The following CDH13 variants were observed in gnomAD, a reference collection of about 807,000 sequenced individuals.
CDH13 encodes cadherin-13.
CDH13 carries 24 observed loss-of-function variants against 63.8 expected under a neutral mutation model. The observed-to-expected ratio is 0.38, with a 90% confidence interval of 0.27 to 0.53. CDH13 has a LOEUF of 0.53. CDH13 is among the 20% of genes least tolerant of loss of function. The pLI is 0.85. For missense variants in CDH13, 1,049 were observed against 903.1 expected, an observed-to-expected ratio of 1.16 and a Z score of -2.07; for synonymous variants, 503 against 355.3, an observed-to-expected ratio of 1.42 and a Z score of -4.67.
intron 7 of CDH13, among the ~76,000 whole-genome samples, chr16:83,599,170 C>T (rs1907548835): frequency 6.6e-6 from 1 of 152,234 alleles, no homozygotes; most frequent in Non-Finnish European, 1.5e-5. Context: ...CAGCATACTC[C>T]TGCTATAGTT....
intron 6 of CDH13, among the ~76,000 whole-genome samples, chr16:83,429,903 G>T (rs866598486): frequency 1.1e-4 from 17 of 152,282 alleles, no homozygotes; most frequent in South Asian, 1.0e-3. Context: ...AGCTAATTCA[G>T]CTTGCCTGGC....
At chr16:83,788,537 T>G (rs1040570783) in intron 13 of CDH13, among the ~76,000 whole-genome samples, 5 of 152,020 alleles carry the variant, frequency 3.3e-5, no homozygotes, top group Admixed American at 1.3e-4. Flanking sequence ...TTTCTTGTGG[T>G]CCTCACTTTG....
At chr16:83,142,306 G>T (rs1035270684) in intron 4 of CDH13, among the ~76,000 whole-genome samples, 1 of 151,974 alleles carries the variant, frequency 6.6e-6, no homozygotes, top group African/African-American at 2.4e-5. Context: ...AACTACAGGT[G>T]TGTGCCCCCA....
intron 4 of CDH13, among the ~76,000 whole-genome samples, chr16:83,213,578 C>G (rs1195440754): frequency 6.6e-6 from 1 of 152,308 alleles, no homozygotes; most frequent in Admixed American, 6.5e-5. Flanking sequence ...GAAGCCCATT[C>G]TTGGGAAGCA....
At chr16:83,214,504 T>C (rs1597529790) in intron 4 of CDH13, among the ~76,000 whole-genome samples, 1 of 127,656 alleles carries the variant, frequency 7.8e-6, no homozygotes, top group East Asian at 2.6e-4. Context: ...CACTTGAACC[T>C]GGGAGGCGGA....
chr16:82,779,653 T>C (rs1168062311), intron 1 of CDH13, among the ~76,000 whole-genome samples: 1 of 152,140 alleles, frequency 6.6e-6, no homozygotes, highest in Admixed American at 6.5e-5. Context: ...AACCGACAGC[T>C]CTCCTTGGAT....
At chr16:83,169,569 T>TC (rs1491473712) in intron 4 of CDH13, among the ~76,000 whole-genome samples, 1 of 151,936 alleles carries the variant, frequency 6.6e-6, no homozygotes, top group Non-Finnish European at 1.5e-5. Flanking sequence ...GGTTTTTTTT[T>TC]TGTTTCTCCA....
intron 1 of CDH13, among the ~76,000 whole-genome samples, chr16:82,720,050 C>T (rs1005159819): frequency 1.5e-4 from 23 of 151,958 alleles, no homozygotes; most frequent in African/African-American, 5.6e-4. Flanking sequence ...AATAAAGACC[C>T]AAAACACTTC....
rs1904276966 is a variant in CDH13 at position 83,795,569 on chromosome 16, C to G, written c.*539C>G. On this transcript the variant is annotated 3_prime_UTR_variant, in exon 14 of 14. Transcript: ENST00000567109. ...ATGAGGACAGACCACAGAGCTGTCA[C>G]TTTTGCTCCGAAGCTACTTCTCCAC... The G allele has an allele frequency of 6.5e-6, 1 of 152,840 alleles. No homozygotes were observed. Among genetic ancestry groups the G allele is most frequent in the South Asian group, 2.1e-4 (1 of 4,838 alleles). The allele number at this position is 152,840 out of a possible 1,614,324, so 9.5% of individuals were successfully genotyped here. A position where few individuals can be genotyped will look rare whatever the true frequency, so the allele number is the denominator to read the frequency against.
intron 4 of CDH13, among the ~76,000 whole-genome samples, chr16:83,209,395 C>T (rs551472105): frequency 6.6e-6 from 1 of 152,236 alleles, no homozygotes; most frequent in South Asian, 2.1e-4. Context: ...GTGCATCCTC[C>T]ACACAGAGTC....
At chr16:82,973,894 A>AT (rs1277520083) in intron 2 of CDH13, among the ~76,000 whole-genome samples, 1 of 151,752 alleles carries the variant, frequency 6.6e-6, no homozygotes, top group Admixed American at 6.6e-5. Context: ...CACACACCTT[A>AT]TTTTTTGCTT....
intron 6 of CDH13, among the ~76,000 whole-genome samples, chr16:83,423,055 T>A (rs2071764538): frequency 6.6e-6 from 1 of 152,234 alleles, no homozygotes; most frequent in Non-Finnish European, 1.5e-5. Context: ...CATGTCTTTC[T>A]TCCATTTATA....
At chr16:83,169,144 C>T (rs971448734) in intron 4 of CDH13, among the ~76,000 whole-genome samples, 2 of 151,856 alleles carry the variant, frequency 1.3e-5, no homozygotes, top group Admixed American at 6.6e-5. Context: ...ATGACAGTCC[C>T]TGCTTACCTT....
At chr16:83,501,079 A>G (rs2074273757) in intron 7 of CDH13, among the ~76,000 whole-genome samples, 2 of 152,262 alleles carry the variant, frequency 1.3e-5, no homozygotes, top group Non-Finnish European at 2.9e-5. Flanking sequence ...TAACAGAGAC[A>G]TAGCAATGGC....
At chr16:83,167,100 G>T (rs557376263) in intron 4 of CDH13, among the ~76,000 whole-genome samples, 2 of 151,946 alleles carry the variant, frequency 1.3e-5, no homozygotes, top group African/African-American at 2.4e-5. Context: ...TTCCACGAAG[G>T]TTTATGAATA....
chr16:83,368,938 A>ATATATG lies in CDH13; in HGVS notation c.781+23932_781+23933insTATATG, dbSNP rs60900726. On this transcript the variant is annotated intron_variant, in intron 6 of 13. Transcript: ENST00000567109. ...TATATATATATATATATATATATAT[A>ATATATG]CTAGGTTTTTTTAATCTGTTCATTG... is the stretch of plus-strand genomic sequence containing the variant. Among the ~76,000 whole-genome samples the ATATATG allele has an allele frequency of 5.4e-3, 298 of 55,384 alleles. 18 individuals carry two copies. Among genetic ancestry groups the ATATATG allele is most frequent in the Non-Finnish European group, 8.4e-3 (250 of 29,826 alleles). 36.3% of individuals were successfully genotyped at this position (55,384 alleles called of 152,430 possible). A position where few individuals can be genotyped will look rare whatever the true frequency, so the allele number is the denominator to read the frequency against.
intron 1 of CDH13, among the ~76,000 whole-genome samples, chr16:82,663,179 T>G (rs1430125935): frequency 1.3e-5 from 2 of 151,976 alleles, no homozygotes; most frequent in African/African-American, 4.8e-5. Flanking sequence ...CCACTAGGTT[T>G]TTTGTTTGTT....
chr16:83,382,764 T>C (rs1039969480), intron 6 of CDH13, among the ~76,000 whole-genome samples: 2 of 152,200 alleles, frequency 1.3e-5, no homozygotes, highest in African/African-American at 4.8e-5. Flanking sequence ...GTGATGTCTC[T>C]TTTTCATATC....
At chr16:83,631,519 G>C (rs1910777950) in intron 8 of CDH13, among the ~76,000 whole-genome samples, 2 of 152,130 alleles carry the variant, frequency 1.3e-5, no homozygotes, top group Non-Finnish European at 1.5e-5. Context: ...ATCTCGGGAA[G>C]ATCCACAGCA....
Sources: gnomAD v4.1 joint callset for allele counts (sites outside exome capture counted in the v4.1 genomes callset) on GRCh38, gnomAD v4.1.1 for gene constraint, MANE v1.5 for transcripts, NCBI Gene and HGNC (gene_info 2026-07-23, HGNC 2026-07-21) for gene names.